The following ZCCHC14 variants were observed in gnomAD, a reference collection of about 807,000 sequenced individuals.
The protein encoded by ZCCHC14 is zinc finger CCHC-type containing 14, also known as zinc finger CCHC domain-containing protein 14.
A neutral mutation model predicts 85.0 loss-of-function variants in ZCCHC14; 16 were observed. That is an observed-to-expected ratio of 0.19 (90% CI 0.13 to 0.29). The LOEUF (loss-of-function observed/expected upper bound fraction) is 0.29. Ranked by LOEUF, ZCCHC14 falls within the 10% of genes least tolerant of loss-of-function variation. The pLI is 1.00. For synonymous variants in ZCCHC14, 775 were observed against 630.7 expected (o/e 1.23, Z -3.43); for missense variants, 1,303 against 1,443.5 (o/e 0.90, Z 1.58).
intron 1 of ZCCHC14, chr16:87,471,862 T>C (rs1911786545): frequency 1.3e-5 from 2 of 152,344 alleles, no homozygotes; most frequent in South Asian, 4.1e-4. Context: ...ATCTTGCTTG[T>C]ACTCATGAGC....
chr16:87,458,055 T>C (rs555061098), intron 2 of ZCCHC14, among the ~76,000 whole-genome samples: 102 of 149,710 alleles, frequency 6.8e-4, no homozygotes, highest in African/African-American at 2.4e-3. Context: ...CACCAAAGCA[T>C]GCAGACGAGA....
intron 1 of ZCCHC14, among the ~76,000 whole-genome samples, chr16:87,485,298 C>A (rs1912465634): frequency 6.6e-6 from 1 of 152,176 alleles, no homozygotes; most frequent in Admixed American, 6.6e-5. Context: ...GGTCTTTTAA[C>A]CCAGAACAAA....
In ZCCHC14 at chr16:87,492,922, GAC is replaced by G. The variant is rs1491216004; in HGVS notation, c.-686_-685del. 5.0e-5 allele frequency among the ~76,000 whole-genome samples: 7 copies of G among 141,106 alleles called. No homozygotes were observed. Among genetic ancestry groups the G allele is most frequent in the Non-Finnish European group, 1.1e-4 (7 of 65,968 alleles). 92.6% of individuals were successfully genotyped at this position (141,106 alleles called of 152,430 possible). On this transcript the variant is annotated 5_prime_UTR_variant, in exon 1 of 13. Coordinates refer to ENST00000671377, the MANE Select transcript of ZCCHC14 (RefSeq NM_015144.3). This position sits in a 1 kb window ranked among gnomAD's most constrained non-coding sequence, Gnocchi z 6.7. ...CGGGCCCGAGCGCGGCGGCGGCGGC[GAC>G]GGCGACGGCGACGGCGACGGCGACG...
intron 3 of ZCCHC14, among the ~76,000 whole-genome samples, chr16:87,428,517 A>C (rs755138453): frequency 5.3e-5 from 8 of 152,252 alleles, no homozygotes; most frequent in Non-Finnish European, 1.0e-4. Flanking sequence ...GGTTCTATGG[A>C]CAAAAGGAAA....
At position 87,420,658 on chromosome 16, in the gene ZCCHC14, G is replaced by T; in HGVS notation, c.899C>A (p.Pro300Gln). 6.2e-7 allele frequency: 1 copy of T among 1,613,880 alleles called. No homozygotes were observed. The highest frequency in any genetic ancestry group is 8.5e-7 in the Non-Finnish European group (1 of 1,179,894). The part of the protein sequence containing the change: ...LEKLIPCLAG[P>Q]DAFYVERNHV... ...GTTTCGCTCCACATAAAATGCGTCC[G>T]GACCAGCTAAGCAAGGAATGAGTTT... is the stretch of plus-strand genomic sequence containing the variant. Residue 300 changes from proline to glutamine, a missense_variant, in exon 5 of 13, where the codon CCG becomes CAG. Around this residue, in one of 7 missense-constraint regions of ZCCHC14, gnomAD observed 389 missense variants for 397.8 expected, o/e 0.98. Coordinates refer to ENST00000671377, the MANE Select transcript of ZCCHC14 (RefSeq NM_015144.3). This position sits in a 1 kb window ranked among gnomAD's most constrained non-coding sequence, Gnocchi z 5.0.
chr16:87,421,760 G>A (rs906902072), intron 4 of ZCCHC14, among the ~76,000 whole-genome samples: 1 of 152,150 alleles, frequency 6.6e-6, no homozygotes, highest in Non-Finnish European at 1.5e-5. Flanking sequence ...GGTAACAGAG[G>A]CAGCAAGAGA....
intron 2 of ZCCHC14, among the ~76,000 whole-genome samples, chr16:87,434,729 C>T (rs1032657149): frequency 6.6e-6 from 1 of 152,162 alleles, no homozygotes; most frequent in African/African-American, 2.4e-5. Context: ...CAGTGGCTCA[C>T]GCCTGGTATC....
chr16:87,468,161 T>C (rs1911615613), intron 1 of ZCCHC14, among the ~76,000 whole-genome samples: 1 of 152,256 alleles, frequency 6.6e-6, no homozygotes, highest in Admixed American at 6.5e-5. Context: ...TTCATGTGTT[T>C]TTTTATATGA....
chr16:87,430,015 T>C (rs1909570843), intron 3 of ZCCHC14, among the ~76,000 whole-genome samples: 1 of 152,246 alleles, frequency 6.6e-6, no homozygotes, highest in African/African-American at 2.4e-5. Context: ...AATCTTTGCC[T>C]TTTCATTCTC....
chr16:87,479,607 T>C (rs1322313455), intron 1 of ZCCHC14, among the ~76,000 whole-genome samples: 2 of 152,212 alleles, frequency 1.3e-5, no homozygotes, highest in Admixed American at 6.5e-5. Context: ...TAACGGTTTT[T>C]CAATTTATTG....
chr16:87,489,928 A>C (rs1912676495), intron 1 of ZCCHC14, among the ~76,000 whole-genome samples: 1 of 151,016 alleles, frequency 6.6e-6, no homozygotes, highest in African/African-American at 2.4e-5. Context: ...TAGTGGGTGG[A>C]ATCTACACAA....
chr16:87,414,194 C>T (rs1002448965), intron 10 of ZCCHC14, among the ~76,000 whole-genome samples: 3 of 149,374 alleles, frequency 2.0e-5, no homozygotes, highest in African/African-American at 7.4e-5. Flanking sequence ...ACCTGCCCGG[C>T]ACACGGGCCC....
chr16:87,421,603 A>T (rs1909098307), intron 4 of ZCCHC14, among the ~76,000 whole-genome samples: 4 of 151,952 alleles, frequency 2.6e-5, no homozygotes, highest in Admixed American at 2.6e-4. Flanking sequence ...GCAGCGGTCT[A>T]CCCCCGAAAA....
intron 2 of ZCCHC14, among the ~76,000 whole-genome samples, chr16:87,452,054 G>A (rs1222542891): frequency 6.6e-6 from 1 of 152,244 alleles, no homozygotes; most frequent in Non-Finnish European, 1.5e-5. Context: ...CGTAAGCAGG[G>A]GCGTGCAGTG....
At position 87,417,457 on chromosome 16, in the gene ZCCHC14, T is replaced by C. The variant is rs751099885; in HGVS notation, c.1383+3A>G. ...TGTACGGCCAGCCAGAAAACCGACATACCTTCTCCATGGAGAGCTGCTTAA... is the reference window on the plus strand; with the variant it reads ...TGTACGGCCAGCCAGAAAACCGACACACCTTCTCCATGGAGAGCTGCTTAA... On this transcript the variant is annotated splice_donor_region_variant and intron_variant, in intron 8 of 12. Coordinates refer to ENST00000671377, the MANE Select transcript of ZCCHC14 (RefSeq NM_015144.3). 6.2e-7 allele frequency: 1 copy of C among 1,612,690 alleles called. No homozygotes were observed. The highest frequency in any genetic ancestry group is 1.1e-5 in the South Asian group (1 of 91,060).
chr16:87,451,615 C>T (rs950977120), intron 2 of ZCCHC14, among the ~76,000 whole-genome samples: 4 of 152,326 alleles, frequency 2.6e-5, no homozygotes, highest in South Asian at 2.1e-4. Context: ...CTAAGCGCAG[C>T]GCCAGCCATA....
chr16:87,477,704 A>G (rs1912083393), intron 1 of ZCCHC14, among the ~76,000 whole-genome samples: 1 of 152,204 alleles, frequency 6.6e-6, no homozygotes, highest in Middle Eastern at 3.2e-3. Context: ...TGAGGATTAA[A>G]TGAAATACAT....
In ZCCHC14 at chr16:87,411,672, C is replaced by A; in HGVS notation, c.3049G>T (p.Ala1017Ser). 1 of 1,614,088 alleles carries A rather than the reference C, an allele frequency of 6.2e-7. No individual in the cohort carries two copies. The highest frequency in any genetic ancestry group is 1.3e-5 in the African/African-American group (1 of 75,068). Residue 1017 changes from alanine (A) to serine (S), a missense_variant, in exon 12 of 13, where the codon GCA (alanine) becomes TCA (serine). Physicochemically the swap from Ala to Ser is moderately conservative, Grantham distance 99. Coordinates refer to ENST00000671377, the MANE Select transcript of ZCCHC14 (RefSeq NM_015144.3). The stretch of plus-strand genomic sequence containing the variant: ...GTCTGGTACACCCCTGCTGTCCCTG[C>A]CATGAAGTTCTGCATGGGTGGCACG... ...FAVPPMQNFM[A>S]GTAGVYQTQG...
At chr16:87,435,676 G>A (rs921097608) in intron 2 of ZCCHC14, among the ~76,000 whole-genome samples, 3 of 152,258 alleles carry the variant, frequency 2.0e-5, no homozygotes, top group Admixed American at 6.5e-5. Context: ...CGGGCGCTGC[G>A]CTCCCAGCGG....
Sources: gnomAD v4.1 joint callset for allele counts (sites outside exome capture counted in the v4.1 genomes callset) on GRCh38, gnomAD v4.1.1 for gene constraint, gnomAD v4.1.1 regional missense constraint, Gnocchi (gnomAD v3.1) non-coding constraint, MANE v1.5 for transcripts, NCBI Gene and HGNC (gene_info 2026-07-23, HGNC 2026-07-21) for gene names.